The following SF3B2 variants were observed in gnomAD, a reference collection of about 807,000 sequenced individuals.
SF3B2 encodes the protein splicing factor 3b subunit 2.
A neutral mutation model predicts 116.3 loss-of-function variants in SF3B2; 22 were observed. The observed-to-expected ratio is 0.19, with a 90% CI of 0.14 to 0.27. The LOEUF (loss-of-function observed/expected upper bound fraction) is 0.27, where lower values mean the gene tolerates loss of function less well. Among genes scored for constraint, SF3B2 ranks in the 10% least tolerant of loss-of-function variants. The probability of loss-of-function intolerance (pLI) is 1.00; values close to 1 mark genes in which losing one functional copy is unlikely to be tolerated. For synonymous variants in SF3B2, 406 were observed against 421.6 expected, an observed-to-expected ratio of 0.96 and a Z score of 0.45; for missense variants, 767 against 1,151.4, an observed-to-expected ratio of 0.67 and a Z score of 4.83.
In SF3B2 at chr11:66,068,925, C is replaced by T; in HGVS notation, c.*180C>T. 1 of 584,466 alleles carries T rather than the reference C, an allele frequency of 1.7e-6. No individual in the cohort carries two copies. Among genetic ancestry groups the T allele is most frequent in the Non-Finnish European group, 3.1e-6 (1 of 326,334 alleles). The allele number at this position is 584,466 out of a possible 1,614,324, so 36.2% of individuals were successfully genotyped here. A position where few individuals can be genotyped will look rare whatever the true frequency, so the allele number is the denominator to read the frequency against. On this transcript the variant is annotated 3_prime_UTR_variant, in exon 22 of 22. Coordinates refer to ENST00000322535, the MANE Select transcript of SF3B2 (RefSeq NM_006842.3). Reference sequence around the variant, plus strand: ...ATATTTAACACTCCTGAGCCTCCCTCATCTCCTTTTAGCCCCTTCTTGCAA... The same window carrying T: ...ATATTTAACACTCCTGAGCCTCCCTTATCTCCTTTTAGCCCCTTCTTGCAA...
Position 66,052,392 on chromosome 11 carries a change from C to G in SF3B2, c.8C>G (p.Thr3Arg), listed in dbSNP as rs764973454. 18 of 1,610,578 alleles carry G rather than the reference C, an allele frequency of 1.1e-5. No individual in the cohort carries two copies. The highest frequency in any genetic ancestry group is 1.7e-5 in the Admixed American group (1 of 59,956). MATEHPEPPKAEL... is the reference protein window; with the variant it reads MAREHPEPPKAEL... ...CGCCTTCCTGCGGCTAAGATGGCGACGGAGCATCCCGAGCCTCCCAAAGCA... is the reference window on the plus strand; with the variant it reads ...CGCCTTCCTGCGGCTAAGATGGCGAGGGAGCATCCCGAGCCTCCCAAAGCA... The change falls in exon 1 of 22, where the codon ACG becomes AGG. Residue 3 changes from threonine to arginine, a missense_variant. Around this residue, in one of 4 missense-constraint regions of SF3B2, gnomAD observed 455 missense variants for 537.5 expected, o/e 0.85. Transcript: ENST00000322535.
At chr11:66,068,408 C>T in intron 21 of SF3B2, 75 bp downstream of exon 21, 2 of 1,433,692 alleles carry the variant, frequency 1.4e-6, no homozygotes, top group Middle Eastern at 2.5e-4. Flanking sequence ...GCATGGTGCC[C>T]TCTAGTGGTG....
At position 66,068,838 on chromosome 11, in the gene SF3B2, AT is replaced by A; in HGVS notation, c.*96del. 2.0e-6 allele frequency: 2 copies of A among 983,288 alleles called. No homozygotes were observed. Among genetic ancestry groups the A allele is most frequent in the Non-Finnish European group, 3.2e-6 (2 of 633,486 alleles). 60.9% of individuals were successfully genotyped at this position (983,288 alleles called of 1,614,324 possible). A position where few individuals can be genotyped will look rare whatever the true frequency, so the allele number is the denominator to read the frequency against. On this transcript the variant is annotated 3_prime_UTR_variant, in exon 22 of 22. Transcript: ENST00000322535. ...CTCCCGCAGTTCCCAAGGACTTGTCATTTCATGTTCTTATTTTAGACCTGTT... is the reference window on the plus strand; with the variant it reads ...CTCCCGCAGTTCCCAAGGACTTGTCATTCATGTTCTTATTTTAGACCTGTT...
chr11:66,063,125 C>A lies in SF3B2; in HGVS notation c.2085+9C>A. ...ATGCTGCTGAATTTCAGGTATGGGC[C>A]ATGTACTAGCGATCTTGGTTTTACT... On this transcript the variant is annotated intron_variant, in intron 17 of 21. Coordinates refer to ENST00000322535, the MANE Select transcript of SF3B2 (RefSeq NM_006842.3). 1 of 1,586,742 alleles carries A rather than the reference C, an allele frequency of 6.3e-7. No individual in the cohort carries two copies. Among genetic ancestry groups the A allele is most frequent in the Non-Finnish European group, 8.6e-7 (1 of 1,157,264 alleles).
At chr11:66,065,172 A>G (rs1331409442) in intron 19 of SF3B2, 2 of 152,170 alleles carry the variant, frequency 1.3e-5, no homozygotes, top group Non-Finnish European at 2.9e-5. Flanking sequence ...GGGTTTTGCC[A>G]TGTTGGCCAG....
intron 5 of SF3B2, among the ~76,000 whole-genome samples, chr11:66,056,313 T>C (rs1856992598): frequency 2.1e-5 from 3 of 145,528 alleles, no homozygotes; most frequent in Non-Finnish European, 4.5e-5. Context: ...GGTGGGAGGA[T>C]GGCTTGAGCT....
At chr11:66,056,711 T>C (rs1857001650) in intron 5 of SF3B2, 127 bp from the exon 6 acceptor site, 4 of 675,340 alleles carry the variant, frequency 5.9e-6, no homozygotes, top group Non-Finnish European at 1.1e-5. Context: ...GTGGAGGGGA[T>C]GTCAGCACCC....
At position 66,052,392 on chromosome 11, in the gene SF3B2, C is replaced by T. The variant is rs764973454; in HGVS notation, c.8C>T (p.Thr3Met). 6.2e-7 allele frequency: 1 copy of T among 1,610,578 alleles called. No individual in the cohort carries two copies. Among genetic ancestry groups the T allele is most frequent in the Non-Finnish European group, 8.5e-7 (1 of 1,178,926 alleles). MA[T>M]EHPEPPKAEL... ...CGCCTTCCTGCGGCTAAGATGGCGA[C>T]GGAGCATCCCGAGCCTCCCAAAGCA... The change falls in exon 1 of 22, where the codon ACG (threonine) becomes ATG (methionine). Residue 3 changes from threonine to methionine, a missense_variant. By Grantham distance (81) the Thr-to-Met change is moderately conservative. Coordinates refer to ENST00000322535, the MANE Select transcript of SF3B2 (RefSeq NM_006842.3).
In SF3B2 at chr11:66,057,741, C is replaced by T. The variant is rs1031095658; in HGVS notation, c.778-313C>T. Among the ~76,000 whole-genome samples the T allele has an allele frequency of 8.6e-5, 13 of 151,366 alleles. 1 individual carries two copies. Among genetic ancestry groups the T allele is most frequent in the South Asian group, 8.4e-4 (4 of 4,786 alleles). Reference sequence around the variant, plus strand: ...CTGTAATCCCAGCACTTTGGGAGGCCGAGGCGGGCGGATCACCTGAGGTCA... The same window carrying T: ...CTGTAATCCCAGCACTTTGGGAGGCTGAGGCGGGCGGATCACCTGAGGTCA... On this transcript the variant is annotated intron_variant, in intron 7 of 21. Transcript: ENST00000322535.
rs769657915 is a variant in SF3B2, at chr11:66,061,719, A to C, written c.1813A>C (p.Lys605Gln). Residue 605 changes from lysine to glutamine, a missense_variant, in exon 15 of 22, where the codon AAG becomes CAG. Physicochemically the swap from Lys to Gln is moderately conservative, Grantham distance 53. Transcript: ENST00000322535. ...KEFETRLKEK[K>Q]PGDLSDELRI... ...GTTCGAGACACGACTGAAGGAGAAG[A>C]AGCCAGGAGATCTGTCTGATGAGCT... 19 of 1,614,086 alleles carry C rather than the reference A, an allele frequency of 1.2e-5. No homozygotes were observed. The highest frequency in any genetic ancestry group is 4.5e-5 in the East Asian group (2 of 44,904).
rs72932689 is a variant in SF3B2, at chr11:66,061,986, G to T, written c.1965G>T (p.Ser655=). Residue 655 remains serine, a synonymous_variant, in exon 16 of 22, where the codon TCG becomes TCT. Coordinates refer to ENST00000322535, the MANE Select transcript of SF3B2 (RefSeq NM_006842.3). ...YPNLKIPGLN[S]PIPESCSFGY... is the part of the protein sequence containing the mutation. ...ACCTGAAAATCCCTGGGCTGAACTCGCCCATCCCTGAGGTGAGCATTGTCC... is the reference window on the plus strand; with the variant it reads ...ACCTGAAAATCCCTGGGCTGAACTCTCCCATCCCTGAGGTGAGCATTGTCC... The T allele has an allele frequency of 6.2e-7, 1 of 1,611,656 alleles. No individual in the cohort carries two copies. The highest frequency in any genetic ancestry group is 8.5e-7 in the Non-Finnish European group (1 of 1,178,866).
In SF3B2 at chr11:66,052,400, C is replaced by T. The variant is rs763631737; in HGVS notation, c.16C>T (p.Pro6Ser). Residue 6 changes from proline to serine, a missense_variant, in exon 1 of 22, where the codon CCC becomes TCC. Physicochemically the swap from Pro to Ser is moderately conservative, Grantham distance 74 (BLOSUM62 -1). Coordinates refer to ENST00000322535, the MANE Select transcript of SF3B2 (RefSeq NM_006842.3). MATEH[P>S]EPPKAELQLP... is the part of the protein sequence containing the mutation. ...TGCGGCTAAGATGGCGACGGAGCATCCCGAGCCTCCCAAAGCAGAATTGCA... is the reference window on the plus strand; with the variant it reads ...TGCGGCTAAGATGGCGACGGAGCATTCCGAGCCTCCCAAAGCAGAATTGCA... The T allele has an allele frequency of 3.7e-6, 6 of 1,611,870 alleles. No homozygotes were observed. Among genetic ancestry groups the T allele is most frequent in the Non-Finnish European group, 3.4e-6 (4 of 1,179,572 alleles).
At chr11:66,062,707 CAAT>C (rs1221591788) in intron 16 of SF3B2, among the ~76,000 whole-genome samples, 1 of 152,098 alleles carries the variant, frequency 6.6e-6, no homozygotes, top group Non-Finnish European at 1.5e-5. Flanking sequence ...TAGGAAAACT[CAAT>C]AAGAAATTGA....
At position 66,063,056 on chromosome 11, in the gene SF3B2, G is replaced by A; in HGVS notation, c.2025G>A (p.Val675=). The change falls in exon 17 of 22, where the codon GTG becomes GTA. Residue 675 remains valine (V), a synonymous_variant. Transcript: ENST00000322535. ...CTGGTGGCTGGGGCAAACCTCCAGTGGATGAGACTGGGAAACCGCTCTATG... is the reference window on the plus strand; with the variant it reads ...CTGGTGGCTGGGGCAAACCTCCAGTAGATGAGACTGGGAAACCGCTCTATG... ...YHAGGWGKPP[V]DETGKPLYGD... The A allele has an allele frequency of 6.2e-7, 1 of 1,614,118 alleles. No homozygotes were observed. The highest frequency in any genetic ancestry group is 8.5e-7 in the Non-Finnish European group (1 of 1,179,996).
rs1857051630 is a variant in SF3B2 at position 66,058,933 on chromosome 11, C to T, written c.1070C>T (p.Ser357Phe). The T allele has an allele frequency of 6.2e-7, 1 of 1,614,124 alleles. No homozygotes were observed. The highest frequency in any genetic ancestry group is 1.7e-5 in the Admixed American group (1 of 60,022). ...GACCGGGAGAAAGACTCAACCCGGT[C>T]CCGTGGCTCTGATTCCCCAGCAGCT... ...SGDREKDSTRSRGSDSPAADV... is the reference protein window; with the variant it reads ...SGDREKDSTRFRGSDSPAADV... Residue 357 changes from serine to phenylalanine, a missense_variant, in exon 10 of 22, where the codon TCC becomes TTC. This residue lies in a region of SF3B2 where 455 missense variants were observed against 537.5 expected (regional missense o/e 0.85). Transcript: ENST00000322535.
At position 66,058,858 on chromosome 11, in the gene SF3B2, A is replaced by G. The variant is rs149628830; in HGVS notation, c.995A>G (p.Lys332Arg). 5 of 1,611,950 alleles carry G rather than the reference A, an allele frequency of 3.1e-6. 1 individual carries two copies. In the African/African-American group the frequency reaches 5.4e-5, roughly 17 times the overall value. Residue 332 changes from lysine (K) to arginine (R), a missense_variant, in exon 10 of 22, where the codon AAG becomes AGG. Lys to Arg is a conservative substitution (Grantham distance 26). Transcript: ENST00000322535. ...EKNRKRRNRKKKKKPQRVRGV... is the reference protein window; with the variant it reads ...EKNRKRRNRKRKKKPQRVRGV... ...AACCGGAAGCGTAGGAACCGAAAGA[A>G]GAAGAAAAAGCCCCAGCGGGTGCGA...
intron 7 of SF3B2, 150 bp from the exon 8 acceptor site, chr11:66,057,904 G>A (rs1048197448): frequency 1.7e-5 from 10 of 594,524 alleles, no homozygotes; most frequent in Middle Eastern, 4.7e-4. Context: ...CCTGGGAGGC[G>A]GAGGTTGTGG....
At chr11:66,068,641 T>A in intron 21 of SF3B2, 33 bp from the exon 22 acceptor site, 1 of 1,606,856 alleles carries the variant, frequency 6.2e-7, no homozygotes, top group Non-Finnish European at 8.5e-7. Context: ...TGGTTCAACC[T>A]GTCTTAACCT....
intron 21 of SF3B2, 39 bp downstream of exon 21, chr11:66,068,372 G>A (rs1163693445): frequency 6.6e-7 from 1 of 1,515,946 alleles, no homozygotes; most frequent in Non-Finnish European, 8.8e-7. Context: ...GTGAGAGCCA[G>A]GGACCCTGGC....
Sources: gnomAD v4.1 joint callset for allele counts (sites outside exome capture counted in the v4.1 genomes callset) on GRCh38, gnomAD v4.1.1 for gene constraint, gnomAD v4.1.1 regional missense constraint, MANE v1.5 for transcripts, NCBI Gene and HGNC (gene_info 2026-07-23, HGNC 2026-07-21) for gene names.